STIM1: variants seen among roughly 807,000 people sequenced by gnomAD.
STIM1 encodes the protein stromal interaction molecule 1.
Under a neutral mutation model 74.7 loss-of-function variants are expected in STIM1, and 25 were observed. That is an observed-to-expected ratio of 0.33 (90% CI 0.24 to 0.47). The LOEUF (loss-of-function observed/expected upper bound fraction) is 0.47, where lower values mean the gene tolerates loss of function less well. STIM1 is among the 20% of genes least tolerant of loss of function. STIM1 has a pLI of 1.00. For missense variants in STIM1, 728 were observed against 920.8 expected, an observed-to-expected ratio of 0.79 and a Z score of 2.71; for synonymous variants, 328 against 348.8, an observed-to-expected ratio of 0.94 and a Z score of 0.66.
intron 1 of STIM1, among the ~76,000 whole-genome samples, chr11:3,963,283 G>T (rs1565129620): frequency 6.6e-6 from 1 of 152,176 alleles, no homozygotes; most frequent in Non-Finnish European, 1.5e-5. Flanking sequence ...GTTTCCCTCT[G>T]TGTATCCATG....
intron 1 of STIM1, among the ~76,000 whole-genome samples, chr11:3,895,060 A>G (rs541950637): frequency 4.6e-5 from 7 of 152,148 alleles, no homozygotes; most frequent in African/African-American, 1.7e-4. Context: ...ACCCTGTTCT[A>G]AGGAAGGCCA....
intron 3 of STIM1, among the ~76,000 whole-genome samples, chr11:4,028,395 TTTTC>T (rs1478442070): frequency 2.0e-5 from 3 of 151,388 alleles, no homozygotes; most frequent in Non-Finnish European, 2.9e-5. Context: ...ATTTCTTTTT[TTTTC>T]TTTCTTTTTC....
Position 4,059,386 on chromosome 11 carries a change from G to A in STIM1, c.603G>A (p.Gly201=), listed in dbSNP as rs142843376. ...AGGCTCTGGATACAGTGCTCTTTGGGCCTCCTCTCTGTGAGTCTTGTGTTG... is the reference window on the plus strand; with the variant it reads ...AGGCTCTGGATACAGTGCTCTTTGGACCTCCTCTCTGTGAGTCTTGTGTTG... ...QLKALDTVLF[G]PPLLTRHNHL... is the part of the protein sequence containing the mutation. Residue 201 remains glycine, a synonymous_variant, in exon 5 of 13, where the codon GGG becomes GGA. Coordinates refer to ENST00000526596, the MANE Select transcript of STIM1 (RefSeq NM_001382567.1). The A allele has an allele frequency of 4.7e-5, 76 of 1,613,808 alleles. 1 individual carries two copies. The highest frequency in any genetic ancestry group is 1.6e-4 in the Middle Eastern group (1 of 6,084).
At chr11:4,086,971 G>C in intron 12 of STIM1, 2 of 1,387,774 alleles carry the variant, frequency 1.4e-6, no homozygotes, top group Non-Finnish European at 1.9e-6. Context: ...GTGTGCAGTG[G>C]GGAATCTTCT....
chr11:4,060,553 G>C (rs1241899288), intron 5 of STIM1, among the ~76,000 whole-genome samples: 1 of 152,122 alleles, frequency 6.6e-6, no homozygotes, highest in Non-Finnish European at 1.5e-5. Flanking sequence ...GGGAGTGGAG[G>C]GTTCTAGGAC....
intron 2 of STIM1, among the ~76,000 whole-genome samples, chr11:3,970,275 G>A (rs1399871222): frequency 6.6e-6 from 1 of 152,118 alleles, no homozygotes; most frequent in East Asian, 1.9e-4. Context: ...GCCTTGCCTT[G>A]GTTTCCACTG....
intron 3 of STIM1, 35 bp downstream of exon 3, chr11:4,024,022 G>C: frequency 6.3e-7 from 1 of 1,582,154 alleles, no homozygotes; most frequent in East Asian, 2.2e-5. Context: ...CCTAGTTGTG[G>C]GAAGGTTTAG....
intron 1 of STIM1, among the ~76,000 whole-genome samples, chr11:3,934,481 A>G (rs2092909669): frequency 6.6e-6 from 1 of 152,076 alleles, no homozygotes; most frequent in Admixed American, 6.5e-5. Context: ...AGCCTTTTAT[A>G]TAGTCTTATT....
chr11:4,045,902 G>T (rs1358974322), intron 3 of STIM1, among the ~76,000 whole-genome samples: 3 of 150,324 alleles, frequency 2.0e-5, no homozygotes, highest in Non-Finnish European at 4.4e-5. Flanking sequence ...GAGTAGCTGG[G>T]ATTACAGGCA....
At chr11:4,004,685 T>TC (rs2093758393) in intron 2 of STIM1, among the ~76,000 whole-genome samples, 1 of 146,892 alleles carries the variant, frequency 6.8e-6, no homozygotes, top group Admixed American at 6.7e-5. Flanking sequence ...GGCAAGGACT[T>TC]CATGTCTAAA....
chr11:3,994,815 C>G (rs926252453), intron 2 of STIM1, among the ~76,000 whole-genome samples: 1 of 152,022 alleles, frequency 6.6e-6, no homozygotes, highest in Non-Finnish European at 1.5e-5. Flanking sequence ...CTCTGAGGCT[C>G]TGTTCATTTT....
At chr11:3,990,743 TA>T (rs1371221419) in intron 2 of STIM1, among the ~76,000 whole-genome samples, 1 of 152,242 alleles carries the variant, frequency 6.6e-6, no homozygotes, top group Non-Finnish European at 1.5e-5. Flanking sequence ...GTTATTTGTA[TA>T]TCTTCTTTAG....
intron 1 of STIM1, among the ~76,000 whole-genome samples, chr11:3,860,936 A>C (rs1174030251): frequency 6.6e-6 from 1 of 152,218 alleles, no homozygotes; most frequent in Non-Finnish European, 1.5e-5. Context: ...AATGATGTGC[A>C]AAATCAGGCA....
At position 4,010,111 on chromosome 11, in the gene STIM1, A is replaced by G. The variant is rs1245841132; in HGVS notation, c.271-13762A>G. On this transcript the variant is annotated intron_variant, in intron 2 of 12. Transcript: ENST00000526596. ...ATTGAAGGCATGAGCCATGGAGCCCAACCTGTTTTGATTTGTTTAAAAGAT... is the reference window on the plus strand; with the variant it reads ...ATTGAAGGCATGAGCCATGGAGCCCGACCTGTTTTGATTTGTTTAAAAGAT... Among the ~76,000 whole-genome samples, 3 of 151,572 alleles carry G rather than the reference A, an allele frequency of 2.0e-5. No homozygotes were observed. In the East Asian group the frequency reaches 5.8e-4, roughly 29 times the overall value.
intron 1 of STIM1, among the ~76,000 whole-genome samples, chr11:3,909,801 A>AT (rs966354075): frequency 1.3e-5 from 2 of 151,502 alleles, no homozygotes; most frequent in Middle Eastern, 3.4e-3. Flanking sequence ...CAAAGAAAAA[A>AT]AAAAAAGAAA....
chr11:3,883,842 T>A (rs2091608164), intron 1 of STIM1, among the ~76,000 whole-genome samples: 1 of 152,154 alleles, frequency 6.6e-6, no homozygotes, highest in Non-Finnish European at 1.5e-5. Flanking sequence ...CCAGACACCA[T>A]CACTGTAGGA....
chr11:3,875,240 A>G (rs946610984), intron 1 of STIM1, among the ~76,000 whole-genome samples: 1 of 152,190 alleles, frequency 6.6e-6, no homozygotes, highest in Non-Finnish European at 1.5e-5. Flanking sequence ...TCTGCCTACC[A>G]GTGTATGTCA....
intron 4 of STIM1, among the ~76,000 whole-genome samples, chr11:4,058,048 C>T (rs1201081086): frequency 6.6e-6 from 1 of 152,140 alleles, no homozygotes; most frequent in African/African-American, 2.4e-5. Context: ...GATAGCATTC[C>T]AGTTCATAGG....
At chr11:3,882,999 T>G (rs1192697164) in intron 1 of STIM1, among the ~76,000 whole-genome samples, 1 of 148,778 alleles carries the variant, frequency 6.7e-6, no homozygotes, top group Non-Finnish European at 1.5e-5. Context: ...CTTTGTCTAT[T>G]TTTTAAAACT....
Sources: gnomAD v4.1 joint callset for allele counts (sites outside exome capture counted in the v4.1 genomes callset) on GRCh38, gnomAD v4.1.1 for gene constraint, MANE v1.5 for transcripts, NCBI Gene and HGNC (gene_info 2026-07-23, HGNC 2026-07-21) for gene names.